CRB1: variants seen among roughly 807,000 people sequenced by gnomAD.
CRB1 encodes the protein protein crumbs homolog 1.
Under a neutral mutation model 120.0 loss-of-function variants are expected in CRB1, and 83 were observed. The ratio of observed to expected loss-of-function variants is 0.69; its 90% CI spans 0.58 to 0.83. The LOEUF is 0.83. CRB1 is among the 40% of genes least tolerant of loss of function. CRB1 has a pLI of 0.00. For missense variants in CRB1, 1,699 were observed against 1,687.6 expected (o/e 1.01, Z -0.12); for synonymous variants, 625 against 612.5 (o/e 1.02, Z -0.30).
chr1:197,253,130 T>C, the CRB1 span, among the ~76,000 whole-genome samples: 3 of 152,070 alleles, frequency 2.0e-5, no homozygotes, highest in Non-Finnish European at 4.4e-5. Flanking sequence ...ACATTTCCAT[T>C]CACAAAATCT....
At chr1:197,290,265 C>CGTGT (rs10540136) in intron 1 of CRB1, among the ~76,000 whole-genome samples, 39,941 of 136,736 alleles carry the variant, frequency 0.29, 6,776 homozygotes, top group East Asian at 0.57. Flanking sequence ...TGTTCCCTTT[C>CGTGT]GTGTGTGTGT....
chr1:197,331,025 A>G (rs1245182093), intron 2 of CRB1, among the ~76,000 whole-genome samples: 1 of 152,152 alleles, frequency 6.6e-6, no homozygotes, highest in African/African-American at 2.4e-5. Context: ...TACTAAAAAT[A>G]CAAAAAATTA....
intron 11 of CRB1, among the ~76,000 whole-genome samples, chr1:197,475,797 T>C (rs1272183046): frequency 6.6e-6 from 1 of 152,202 alleles, no homozygotes; most frequent in Non-Finnish European, 1.5e-5. Flanking sequence ...GTATTTTCTC[T>C]CACCAACTCT....
the CRB1 span, among the ~76,000 whole-genome samples, chr1:197,242,531 T>C: frequency 6.6e-6 from 1 of 152,196 alleles, no homozygotes; most frequent in Admixed American, 6.5e-5. Flanking sequence ...TGAAGCCAAC[T>C]TGATTGTGGT....
At chr1:197,380,455 A>T (rs1249979012) in intron 5 of CRB1, among the ~76,000 whole-genome samples, 1 of 152,190 alleles carries the variant, frequency 6.6e-6, no homozygotes, top group Non-Finnish European at 1.5e-5. Context: ...ATCTAGATTT[A>T]TCTAGCAGCT....
chr1:197,206,400 C>A, the CRB1 span, among the ~76,000 whole-genome samples: 1 of 152,146 alleles, frequency 6.6e-6, no homozygotes, highest in Non-Finnish European at 1.5e-5. Context: ...AGGCTATGAA[C>A]TTTCCTTTTA....
At chr1:197,454,697 A>T (rs1666193130) in intron 11 of CRB1, among the ~76,000 whole-genome samples, 1 of 152,208 alleles carries the variant, frequency 6.6e-6, no homozygotes, top group Non-Finnish European at 1.5e-5. Context: ...TGACTAGCTA[A>T]CCAAATCATG....
chr1:197,372,167 G>T (rs1191786018), intron 5 of CRB1, among the ~76,000 whole-genome samples: 3 of 152,214 alleles, frequency 2.0e-5, no homozygotes, highest in African/African-American at 7.2e-5. Context: ...ATAAGATGAA[G>T]TCAACCTGTA....
intron 11 of CRB1, among the ~76,000 whole-genome samples, chr1:197,447,742 A>G (rs955616492): frequency 6.6e-5 from 10 of 151,776 alleles, no homozygotes; most frequent in African/African-American, 1.9e-4. Flanking sequence ...CCAGCTACTA[A>G]GGAGGCTGAG....
At chr1:197,202,634 T>C in the CRB1 span, among the ~76,000 whole-genome samples, 9 of 152,052 alleles carry the variant, frequency 5.9e-5, no homozygotes, top group Admixed American at 4.6e-4. Flanking sequence ...TGATCCAAGA[T>C]AGAAAAATAT....
At chr1:197,364,732 T>C (rs1442540876) in intron 5 of CRB1, among the ~76,000 whole-genome samples, 1 of 152,116 alleles carries the variant, frequency 6.6e-6, no homozygotes, top group African/African-American at 2.4e-5. Context: ...TAATTTCCAT[T>C]TTGTTCTTTT....
chr1:197,442,148 G>C lies in CRB1; in HGVS notation c.3879-18G>C. 6.2e-7 allele frequency: 1 copy of C among 1,614,080 alleles called. No individual in the cohort carries two copies. On this transcript the variant is annotated intron_variant, in intron 10 of 11. Coordinates refer to ENST00000367400, the MANE Select transcript of CRB1 (RefSeq NM_201253.3). Reference sequence around the variant, plus strand: ...TTCAACAGGGACCTGGGTTTCTGCTGTTCTGTTTATTTTGAAGGTGTGAAA... The same window carrying C: ...TTCAACAGGGACCTGGGTTTCTGCTCTTCTGTTTATTTTGAAGGTGTGAAA...
intron 11 of CRB1, among the ~76,000 whole-genome samples, chr1:197,466,977 T>A (rs1666773838): frequency 1.3e-5 from 2 of 152,134 alleles, no homozygotes; most frequent in Non-Finnish European, 2.9e-5. Flanking sequence ...GAAACTAACA[T>A]GTGATGTGAT....
chr1:197,240,021 T>C, the CRB1 span, among the ~76,000 whole-genome samples: 6 of 151,866 alleles, frequency 4.0e-5, no homozygotes, highest in Admixed American at 3.9e-4. Context: ...ATTTATGATA[T>C]AATTATCTCA....
intron 1 of CRB1, among the ~76,000 whole-genome samples, chr1:197,274,300 T>G (rs546378072): frequency 1.4e-3 from 214 of 152,232 alleles, no homozygotes; most frequent in African/African-American, 4.8e-3. Context: ...CTTATAGCTG[T>G]TTCATTTTGT....
At position 197,280,568 on chromosome 1, in the gene CRB1, C is replaced by G. The variant is rs893620138; in HGVS notation, c.70+12086C>G. On this transcript the variant is annotated intron_variant, in intron 1 of 11. Transcript: ENST00000367400. ...GTTTTAAAAAATCCAGATATCATAC[C>G]AAACATGTATTCTATCAAGTACATT... 7.2e-5 allele frequency among the ~76,000 whole-genome samples: 11 copies of G among 151,802 alleles called. No individual in the cohort carries two copies. In the South Asian group the frequency reaches 2.3e-3, roughly 31 times the overall value.
At chr1:197,309,473 G>A (rs867450293) in intron 1 of CRB1, among the ~76,000 whole-genome samples, 15 of 152,112 alleles carry the variant, frequency 9.9e-5, no homozygotes, top group Middle Eastern at 6.8e-3. Context: ...AGAAATTTAC[G>A]GCCAGGCGCT....
intron 4 of CRB1, among the ~76,000 whole-genome samples, chr1:197,351,611 A>T (rs562671835): frequency 1.3e-5 from 2 of 152,318 alleles, no homozygotes; most frequent in African/African-American, 4.8e-5. Flanking sequence ...GCTTCATGGC[A>T]GATGATCAAA....
chr1:197,317,650 C>T (rs1657934080), intron 1 of CRB1, among the ~76,000 whole-genome samples: 2 of 152,084 alleles, frequency 1.3e-5, no homozygotes, highest in Admixed American at 6.5e-5. Flanking sequence ...AAAATAGACA[C>T]ATAGACTAAT....
Sources: allele counts gnomAD v4.1 joint callset (sites outside exome capture counted in the v4.1 genomes callset), GRCh38; gene constraint gnomAD v4.1.1; transcripts MANE v1.5; gene names NCBI Gene and HGNC (gene_info 2026-07-23, HGNC 2026-07-21).